The following PRR12 variants were observed in gnomAD, a reference collection of about 807,000 sequenced individuals.
PRR12 encodes the protein proline rich 12, also known as proline-rich protein 12.
PRR12 carries 12 observed loss-of-function variants against 138.0 expected under a neutral mutation model. That is an observed-to-expected ratio of 0.09 (90% CI 0.06 to 0.14). The LOEUF (loss-of-function observed/expected upper bound fraction) is 0.14. PRR12 is among the 10% of genes least tolerant of loss of function. The probability of loss-of-function intolerance (pLI) is 1.00; values close to 1 mark genes in which losing one functional copy is unlikely to be tolerated. For synonymous variants in PRR12, 1,567 were observed against 1,291.7 expected, an observed-to-expected ratio of 1.21 and a Z score of -4.57; for missense variants, 2,692 against 2,861.3, an observed-to-expected ratio of 0.94 and a Z score of 1.35.
rs1320411146 is a variant in PRR12 at position 49,597,326 on chromosome 19, G to T, written c.2991G>T (p.Arg997=). ...CCTATGGGCCCTACTGTCCTGGCCGGGCGTCGGGAGCCGGGCCCGAGACAC... is the reference window on the plus strand; with the variant it reads ...CCTATGGGCCCTACTGTCCTGGCCGTGCGTCGGGAGCCGGGCCCGAGACAC... ...YDPYGPYCPG[R]ASGAGPETPG... Residue 997 remains arginine (R), a synonymous_variant, in exon 4 of 14, where the codon CGG becomes CGT. Transcript: ENST00000418929. The surrounding 1 kb of genome is among the most constrained non-coding windows in gnomAD (Gnocchi z 6.3). 6.5e-7 allele frequency: 1 copy of T among 1,546,222 alleles called. No homozygotes were observed. Among genetic ancestry groups the T allele is most frequent in the East Asian group, 2.4e-5 (1 of 41,222 alleles).
rs767560305 is a variant in PRR12, at chr19:49,593,378, C to T, written c.138C>T (p.His46=). The T allele has an allele frequency of 4.3e-6, 7 of 1,612,422 alleles. No homozygotes were observed. Among genetic ancestry groups the T allele is most frequent in the Non-Finnish European group, 5.1e-6 (6 of 1,179,426 alleles). ...RTSHPETDIL[H]RQAYAAPHPL... ...CGCACCCCGAGACGGACATCTTACA[C>T]CGCCAGGCCTATGCGGCCCCCCACC... The change falls in exon 2 of 14, where the codon CAC becomes CAT. Residue 46 remains histidine (H), a synonymous_variant. Transcript: ENST00000418929.
Position 49,599,836 on chromosome 19 carries a change from G to C in PRR12, c.4243G>C (p.Asp1415His). The change falls in exon 5 of 14, where the codon GAC becomes CAC. Residue 1415 changes from aspartate to histidine, a missense_variant. By Grantham distance (81) the Asp-to-His change is moderately conservative. Around this residue, in one of 11 missense-constraint regions of PRR12, gnomAD observed 231 missense variants for 200.8 expected, o/e 1.15. Transcript: ENST00000418929. This position sits in a 1 kb window ranked among gnomAD's most constrained non-coding sequence, Gnocchi z 5.0. ...TGACCCACCCCTTGCTGGGCCAAAA[G>C]ACACTTCCACCCCAGATGGGCCGCC... Reference protein sequence around the residue: ...LDDPPLAGPKDTSTPDGPPLA... With the variant: ...LDDPPLAGPKHTSTPDGPPLA... The C allele has an allele frequency of 1.9e-6, 3 of 1,613,406 alleles. No homozygotes were observed. The South Asian group carries it at 3.3e-5, about 18-fold the overall frequency.
At position 49,599,610 on chromosome 19, in the gene PRR12, A is replaced by G; in HGVS notation, c.4017A>G (p.Gly1339=). The part of the protein sequence containing the change: ...TPAVPHPPPS[G]AFGLGGALEA... ...CTGTGCCACATCCCCCACCTTCCGG[A>G]GCCTTTGGGCTTGGGGGCGCCCTGG... Residue 1339 remains glycine (G), a synonymous_variant, in exon 5 of 14, where the codon GGA becomes GGG. Coordinates refer to ENST00000418929, the MANE Select transcript of PRR12 (RefSeq NM_020719.3). The surrounding 1 kb of genome is among the most constrained non-coding windows in gnomAD (Gnocchi z 5.0). 6.2e-7 allele frequency: 1 copy of G among 1,601,968 alleles called. No homozygotes were observed.
rs180994356 is a variant in PRR12 at position 49,611,751 on chromosome 19, G to A, written c.4774-2782G>A. Among the ~76,000 whole-genome samples, 521 of 147,478 alleles carry A rather than the reference G, an allele frequency of 3.5e-3. 20 individuals are homozygous for A. Among genetic ancestry groups the A allele is most frequent in the African/African-American group, 0.013 (487 of 38,748 alleles). On this transcript the variant is annotated intron_variant, in intron 6 of 13. Coordinates refer to ENST00000418929, the MANE Select transcript of PRR12 (RefSeq NM_020719.3). ...ATCCTGGCTAACGCGGTGAAACCCC[G>A]CCTCTACTAAAAATACAAAAAAATA...
chr19:49,594,627 G>A lies in PRR12; in HGVS notation c.361+12G>A, dbSNP rs373461679. The A allele has an allele frequency of 7.6e-5, 122 of 1,611,066 alleles. No individual in the cohort carries two copies. Among genetic ancestry groups the A allele is most frequent in the East Asian group, 4.5e-5 (2 of 44,840 alleles). On this transcript the variant is annotated intron_variant, in intron 3 of 13. Coordinates refer to ENST00000418929, the MANE Select transcript of PRR12 (RefSeq NM_020719.3). This position sits in a 1 kb window ranked among gnomAD's most constrained non-coding sequence, Gnocchi z 5.6. The stretch of plus-strand genomic sequence containing the variant: ...TTCCTGGCAAACAGGTAAGCCCAGC[G>A]CCGGCCCTGCAGGGCCAGGGTGGGA...
At chr19:49,600,682 A>G (rs1320990356) in intron 5 of PRR12, among the ~76,000 whole-genome samples, 2 of 151,676 alleles carry the variant, frequency 1.3e-5, no homozygotes, top group Admixed American at 6.6e-5. Flanking sequence ...CAAAACAAAA[A>G]GACCCTATAA....
intron 6 of PRR12, among the ~76,000 whole-genome samples, chr19:49,604,285 T>C (rs780204704): frequency 7.3e-5 from 11 of 151,706 alleles, no homozygotes; most frequent in Non-Finnish European, 1.5e-4. Flanking sequence ...AGAGGCTCAC[T>C]TGAGGCCAGG....
At chr19:49,611,897 TG>T (rs1191916343) in intron 6 of PRR12, among the ~76,000 whole-genome samples, 5 of 96,404 alleles carry the variant, frequency 5.2e-5, no homozygotes, top group African/African-American at 9.2e-5. Flanking sequence ...CACTCCAGCC[TG>T]GGCGACAGAG....
intron 10 of PRR12, 136 bp downstream of exon 10, chr19:49,620,613 C>T: frequency 7.7e-7 from 1 of 1,304,480 alleles, no homozygotes; most frequent in East Asian, 2.5e-5. Flanking sequence ...GAGCTGAGGC[C>T]TGGACCTGGG....
intron 10 of PRR12, among the ~76,000 whole-genome samples, chr19:49,620,973 G>A (rs2080919601): frequency 7.1e-6 from 1 of 140,164 alleles, no homozygotes; most frequent in Non-Finnish European, 1.6e-5. Flanking sequence ...TGGGTCTGAG[G>A]GAGGAGGGAC....
At position 49,625,188 on chromosome 19, in the gene PRR12, C is replaced by A. The variant is rs760903734; in HGVS notation, c.5952C>A (p.Arg1984=). The change falls in exon 13 of 14, where the codon CGC becomes CGA. Residue 1984 remains arginine (R), a synonymous_variant. Coordinates refer to ENST00000418929, the MANE Select transcript of PRR12 (RefSeq NM_020719.3). This position sits in a 1 kb window ranked among gnomAD's most constrained non-coding sequence, Gnocchi z 5.5. ...LHHYKYHTFL[R]CRDQTLAIEG... The stretch of plus-strand genomic sequence containing the variant: ...ACTATAAATACCACACCTTCCTGCG[C>A]TGCCGGGACCAGGTGAGCCCCACCC... 11 of 1,613,492 alleles carry A rather than the reference C, an allele frequency of 6.8e-6. No individual in the cohort carries two copies. Among genetic ancestry groups the A allele is most frequent in the Non-Finnish European group, 9.3e-6 (11 of 1,179,588 alleles).
chr19:49,597,284 C>G lies in PRR12; in HGVS notation c.2949C>G (p.Gly983=), dbSNP rs750683720. ...DPKAGAGPPP[G]PPAYDPYGPY... is the part of the protein sequence containing the mutation. ...AGGCTGGCGCTGGGCCACCCCCCGG[C>G]CCCCCTGCTTATGATCCCTATGGGC... The change falls in exon 4 of 14, where the codon GGC becomes GGG. Residue 983 remains glycine, a synonymous_variant. Transcript: ENST00000418929. The surrounding 1 kb of genome is among the most constrained non-coding windows in gnomAD (Gnocchi z 6.3). The G allele has an allele frequency of 3.8e-6, 6 of 1,562,334 alleles. No homozygotes were observed. The highest frequency in any genetic ancestry group is 2.6e-6 in the Non-Finnish European group (3 of 1,155,636).
chr19:49,593,261 T>A, intron 1 of PRR12, 66 bp from the exon 2 acceptor site: 1 of 324,694 alleles, frequency 3.1e-6, no homozygotes, highest in Admixed American at 7.9e-5. Context: ...CCCCGGGGGG[T>A]TTTCTGAGCT....
In PRR12 at chr19:49,595,459, G is replaced by A. The variant is rs779367728; in HGVS notation, c.1124G>A (p.Gly375Asp). The A allele has an allele frequency of 1.9e-6, 3 of 1,549,066 alleles. No individual in the cohort carries two copies. Among genetic ancestry groups the A allele is most frequent in the South Asian group, 2.4e-5 (2 of 84,034 alleles). Reference sequence around the variant, plus strand: ...GCAGCAGGGGGCGGTGGGGCTGGGGGTGGTGGTGGAGGTTACCGCCCCATC... The same window carrying A: ...GCAGCAGGGGGCGGTGGGGCTGGGGATGGTGGTGGAGGTTACCGCCCCATC... ...PEAAGGGGAG[G>D]GGGGYRPIIQ... The change falls in exon 4 of 14, where the codon GGT becomes GAT. Residue 375 changes from glycine to aspartate, a missense_variant. Physicochemically the swap from Gly to Asp is moderately conservative, Grantham distance 94. This residue lies in a region of PRR12 where 523 missense variants were observed against 496.4 expected (regional missense o/e 1.05). Coordinates refer to ENST00000418929, the MANE Select transcript of PRR12 (RefSeq NM_020719.3).
At chr19:49,624,147 A>C (rs1425369015) in intron 11 of PRR12, among the ~76,000 whole-genome samples, 1 of 141,452 alleles carries the variant, frequency 7.1e-6, no homozygotes, top group African/African-American at 2.7e-5. Flanking sequence ...GATGGGACCG[A>C]GAATTCTGGG....
chr19:49,593,536 TG>T, intron 2 of PRR12, 97 bp downstream of exon 2: 1 of 627,440 alleles, frequency 1.6e-6, no homozygotes, highest in East Asian at 3.0e-5. Context: ...TAATTGGCCG[TG>T]GCCCGTGCCG....
In PRR12 at chr19:49,591,293, G is replaced by A. The variant is rs931172674; in HGVS notation, c.-362G>A. ...AGCACCCAGCGCCTGCACCCACCCC[G>A]GGGCCGCCCGGGACGCCCCCTCCCG... is the stretch of plus-strand genomic sequence containing the variant. On this transcript the variant is annotated 5_prime_UTR_variant, in exon 1 of 14. Coordinates refer to ENST00000418929, the MANE Select transcript of PRR12 (RefSeq NM_020719.3). Among the ~76,000 whole-genome samples the A allele has an allele frequency of 6.7e-6, 1 of 149,110 alleles. No homozygotes were observed. Among genetic ancestry groups the A allele is most frequent in the African/African-American group, 2.5e-5 (1 of 40,556 alleles).
chr19:49,599,568 G>C lies in PRR12; in HGVS notation c.3975G>C (p.Gln1325His). ...PSVPARGLQP[Q>H]PPATPAVPHP... is the part of the protein sequence containing the mutation. ...TGCCAGCCCGAGGCCTGCAGCCCCA[G>C]CCCCCTGCCACCCCTGCTGTGCCAC... The change falls in exon 5 of 14, where the codon CAG (glutamine) becomes CAC (histidine). Residue 1325 changes from glutamine to histidine, a missense_variant. Gln to His is a conservative substitution (Grantham distance 24). Around this residue, in one of 11 missense-constraint regions of PRR12, gnomAD observed 326 missense variants for 344.2 expected, o/e 0.95. Transcript: ENST00000418929. This position sits in a 1 kb window ranked among gnomAD's most constrained non-coding sequence, Gnocchi z 5.0. The C allele has an allele frequency of 6.3e-7, 1 of 1,594,804 alleles. No individual in the cohort carries two copies. Among genetic ancestry groups the C allele is most frequent in the East Asian group, 2.3e-5 (1 of 44,060 alleles).
chr19:49,617,425 C>T (rs191040818), intron 9 of PRR12, among the ~76,000 whole-genome samples: 77 of 152,106 alleles, frequency 5.1e-4, no homozygotes, highest in Non-Finnish European at 1.0e-3. Context: ...CTCAAGAGTT[C>T]GAGATGAGCC....
Sources: allele counts gnomAD v4.1 joint callset (sites outside exome capture counted in the v4.1 genomes callset), GRCh38; gene constraint gnomAD v4.1.1; regional missense constraint gnomAD v4.1.1; non-coding constraint Gnocchi (gnomAD v3.1); transcripts MANE v1.5; gene names NCBI Gene and HGNC (gene_info 2026-07-23, HGNC 2026-07-21).